PTPRD: variants seen among roughly 807,000 people sequenced by gnomAD.
The protein encoded by PTPRD is receptor-type tyrosine-protein phosphatase delta.
A neutral mutation model predicts 214.5 loss-of-function variants in PTPRD; 34 were observed. That is an observed-to-expected ratio of 0.16 (90% CI 0.12 to 0.21). The LOEUF (loss-of-function observed/expected upper bound fraction) is 0.21, where lower values mean the gene tolerates loss of function less well. PTPRD is among the 10% of genes least tolerant of loss of function. PTPRD has a pLI of 1.00. For synonymous variants in PTPRD, 1,128 were observed against 845.7 expected, an observed-to-expected ratio of 1.33 and a Z score of -5.79; for missense variants, 2,545 against 2,398.7, an observed-to-expected ratio of 1.06 and a Z score of -1.27.
At chr9:8,505,434 A>G (rs1279576670) in intron 22 of PTPRD, among the ~76,000 whole-genome samples, 1 of 152,066 alleles carries the variant, frequency 6.6e-6, no homozygotes, top group Non-Finnish European at 1.5e-5. Flanking sequence ...CATCCTGGCT[A>G]ACATGGTGAA....
rs59412193 is a variant in PTPRD at position 9,775,954 on chromosome 9, CA to C, written c.-367-9104del. Among the ~76,000 whole-genome samples, 124 of 28,916 alleles carry C rather than the reference CA, an allele frequency of 4.3e-3. 1 individual carries two copies. Among genetic ancestry groups the C allele is most frequent in the Non-Finnish European group, 5.5e-3 (92 of 16,834 alleles). The allele number at this position is 28,916 out of a possible 152,430, so 19.0% of individuals were successfully genotyped here. The stretch of plus-strand genomic sequence containing the variant: ...TGGGCAACAGAGCAAGACTCTGTCT[CA>C]AAAAAAAAAAAAAAAAAAAAAAAAG... On this transcript the variant is annotated intron_variant, in intron 5 of 45. Transcript: ENST00000381196.
intron 2 of PTPRD, among the ~76,000 whole-genome samples, chr9:10,418,867 G>T (rs1422390586): frequency 1.3e-5 from 2 of 151,962 alleles, no homozygotes; most frequent in Middle Eastern, 3.4e-3. Flanking sequence ...TCCTAGAAGT[G>T]ATTTCCTGTT....
intron 8 of PTPRD, among the ~76,000 whole-genome samples, chr9:9,527,074 G>C (rs1476108896): frequency 1.3e-5 from 2 of 152,116 alleles, no homozygotes; most frequent in South Asian, 2.1e-4. Flanking sequence ...CTTGAGAGCT[G>C]ATTTAATTTG....
chr9:10,218,637 T>A (rs979016990), intron 3 of PTPRD, among the ~76,000 whole-genome samples: 11 of 151,800 alleles, frequency 7.2e-5, no homozygotes, highest in African/African-American at 2.7e-4. Context: ...AAAGATACCA[T>A]AATATGTAGT....
At chr9:10,109,116 G>A (rs1468222810) in intron 3 of PTPRD, among the ~76,000 whole-genome samples, 4 of 152,174 alleles carry the variant, frequency 2.6e-5, no homozygotes, top group African/African-American at 9.7e-5. Context: ...ATATTTTTAA[G>A]TAGTCAGCAA....
At chr9:8,868,903 G>C (rs367925352) in intron 11 of PTPRD, among the ~76,000 whole-genome samples, 2 of 152,134 alleles carry the variant, frequency 1.3e-5, no homozygotes, top group African/African-American at 2.4e-5. Flanking sequence ...TGTGGGCTAT[G>C]AGCAAGGCAC....
At chr9:9,340,934 G>T (rs920190602) in intron 9 of PTPRD, among the ~76,000 whole-genome samples, 1 of 152,076 alleles carries the variant, frequency 6.6e-6, no homozygotes, top group African/African-American at 2.4e-5. Context: ...AGCAGTTTTT[G>T]AACCTAAATA....
intron 2 of PTPRD, among the ~76,000 whole-genome samples, chr9:10,442,046 C>A (rs905953199): frequency 6.6e-6 from 1 of 151,356 alleles, no homozygotes; most frequent in African/African-American, 2.4e-5. Flanking sequence ...GTTTGAAGAC[C>A]TTACATAATC....
At chr9:9,192,228 A>T (rs2099935680) in intron 9 of PTPRD, among the ~76,000 whole-genome samples, 1 of 152,068 alleles carries the variant, frequency 6.6e-6, no homozygotes. Flanking sequence ...CAAAGATAAA[A>T]AAAAAGCTGT....
intron 2 of PTPRD, among the ~76,000 whole-genome samples, chr9:10,500,338 A>G (rs1487485560): frequency 6.6e-6 from 1 of 151,894 alleles, no homozygotes; most frequent in Non-Finnish European, 1.5e-5. Flanking sequence ...CAAGAAAAAC[A>G]CAAGAATATA....
chr9:10,378,999 T>G (rs1365206464), intron 2 of PTPRD, among the ~76,000 whole-genome samples: 1 of 152,026 alleles, frequency 6.6e-6, no homozygotes, highest in Non-Finnish European at 1.5e-5. Flanking sequence ...CTTTCCTTGA[T>G]GTTTTATAGT....
intron 3 of PTPRD, among the ~76,000 whole-genome samples, chr9:10,034,916 C>T (rs1366436748): frequency 6.6e-6 from 1 of 152,024 alleles, no homozygotes; most frequent in African/African-American, 2.4e-5. Flanking sequence ...TATAATAGAA[C>T]AATTCATATT....
At chr9:9,067,076 C>A (rs181335661) in intron 10 of PTPRD, among the ~76,000 whole-genome samples, 4 of 152,252 alleles carry the variant, frequency 2.6e-5, no homozygotes, top group Admixed American at 2.6e-4. Context: ...AACCCTATCT[C>A]TACTACAAAT....
At chr9:8,551,604 AGATTAC>A (rs2082129741) in intron 14 of PTPRD, among the ~76,000 whole-genome samples, 1 of 152,248 alleles carries the variant, frequency 6.6e-6, no homozygotes, top group African/African-American at 2.4e-5. Context: ...AAGTAGCTTC[AGATTAC>A]AACCTGTGTG....
At chr9:10,211,279 A>T (rs2099515696) in intron 3 of PTPRD, among the ~76,000 whole-genome samples, 1 of 152,178 alleles carries the variant, frequency 6.6e-6, no homozygotes, top group South Asian at 2.1e-4. Flanking sequence ...AAAAAACTAG[A>T]ATTCTAAAAC....
chr9:10,287,227 G>C (rs1342585816), intron 3 of PTPRD, among the ~76,000 whole-genome samples: 1 of 152,174 alleles, frequency 6.6e-6, no homozygotes, highest in Admixed American at 6.5e-5. Context: ...AGCATGTGGA[G>C]TGTTTGTGCT....
Position 9,605,911 on chromosome 9 carries a change from C to CAA in PTPRD, c.-286-31132_-286-31131dup, listed in dbSNP as rs149008564. On this transcript the variant is annotated intron_variant, in intron 7 of 45. Coordinates refer to ENST00000381196, the MANE Select transcript of PTPRD (RefSeq NM_002839.4). ...TATGTTATAAGTAAAGGCCAAAGTG[C>CAA]AAAACTAAGCTGCTGCTTGACTATT... is the stretch of plus-strand genomic sequence containing the variant. Among the ~76,000 whole-genome samples the CAA allele has an allele frequency of 1.7e-3, 255 of 152,120 alleles. 1 individual carries two copies. The highest frequency in any genetic ancestry group is 4.2e-3 in the South Asian group (20 of 4,818).
chr9:9,575,324 ATTAT>A (rs1191111366), intron 7 of PTPRD, among the ~76,000 whole-genome samples: 2 of 152,142 alleles, frequency 1.3e-5, no homozygotes, highest in African/African-American at 4.8e-5. Flanking sequence ...TACATCCTAA[ATTAT>A]TTAAGATATT....
In PTPRD at chr9:10,301,666, T is replaced by C. The variant is rs187488691; in HGVS notation, c.-545+39297A>G. ...AAACTGATCAAGGGGAAAAAAAGGA[T>C]ATCAGAGATTGAAGATCAACTTAAT... On this transcript the variant is annotated intron_variant, in intron 3 of 45. Coordinates refer to ENST00000381196, the MANE Select transcript of PTPRD (RefSeq NM_002839.4). Among the ~76,000 whole-genome samples, 152 of 152,054 alleles carry C rather than the reference T, an allele frequency of 1.0e-3. No individual in the cohort carries two copies. In the Middle Eastern group the frequency reaches 0.02, roughly 20 times the overall value.
Sources: gnomAD v4.1 joint callset for allele counts (sites outside exome capture counted in the v4.1 genomes callset) on GRCh38, gnomAD v4.1.1 for gene constraint, MANE v1.5 for transcripts, NCBI Gene and HGNC (gene_info 2026-07-23, HGNC 2026-07-21) for gene names.